Variants in ROS1 observed in about 807,000 individuals in gnomAD.
ROS1 encodes the protein proto-oncogene tyrosine-protein kinase ROS.
ROS1 carries 263 observed loss-of-function variants against 273.5 expected under a neutral mutation model. The observed-to-expected ratio is 0.96, with a 90% CI of 0.87 to 1.06. ROS1 has a LOEUF of 1.06. Ranked by LOEUF, ROS1 falls within the 50% of genes least tolerant of loss-of-function variation. The pLI is 0.00. For missense variants in ROS1, 2,833 were observed against 2,751.1 expected, an observed-to-expected ratio of 1.03 and a Z score of -0.67; for synonymous variants, 1,008 against 954.1, an observed-to-expected ratio of 1.06 and a Z score of -1.04.
chr6:117,396,233 C>A lies in ROS1; in HGVS notation c.838G>T (p.Glu280Ter). The change falls in exon 9 of 44, where the codon GAG becomes TAG. Residue 280 changes from glutamate to a stop codon, truncating the protein, a stop_gained. Coordinates refer to ENST00000368507, the MANE Select transcript of ROS1 (RefSeq NM_001378902.1). LOFTEE classifies it high-confidence loss of function. ...ATACTAGATTCTGCTTCTGGACCCT[C>A]ACCAACTTCATTTACTGCTGCAATA... Reference protein sequence around the residue: ...FSIAAVNEVGEGPEAESSITT... With the variant: ...FSIAAVNEVG 6.2e-7 allele frequency: 1 copy of A among 1,613,668 alleles called. No homozygotes were observed. Among genetic ancestry groups the A allele is most frequent in the Non-Finnish European group, 8.5e-7 (1 of 1,179,686 alleles).
chr6:117,320,905 C>A (rs183494372), intron 36 of ROS1, among the ~76,000 whole-genome samples: 1 of 149,716 alleles, frequency 6.7e-6, no homozygotes, highest in Non-Finnish European at 1.5e-5. Flanking sequence ...AGGCTGACCA[C>A]GTAACACAAG....
intron 18 of ROS1, among the ~76,000 whole-genome samples, chr6:117,373,343 G>A (rs1302023052): frequency 3.3e-5 from 5 of 152,232 alleles, no homozygotes; most frequent in Non-Finnish European, 5.9e-5. Flanking sequence ...AGCAGGGGGC[G>A]GCACCCATCA....
chr6:117,364,477 A>G (rs916189748), intron 21 of ROS1, among the ~76,000 whole-genome samples: 19 of 152,198 alleles, frequency 1.2e-4, no homozygotes, highest in African/African-American at 4.3e-4. Flanking sequence ...AATCAAGATA[A>G]TAAGACTTTC....
At chr6:117,290,507 T>C (rs1261659926) in intron 43 of ROS1, among the ~76,000 whole-genome samples, 1 of 152,228 alleles carries the variant, frequency 6.6e-6, no homozygotes, top group African/African-American at 2.4e-5. Context: ...AAAGATAGCA[T>C]GCACTGGGCA....
rs1257346590 is a variant in ROS1 at position 117,324,366 on chromosome 6, T to TC, written c.5588dup (p.Ile1864AsnfsTer15). 3 of 1,531,142 alleles carry TC rather than the reference T, an allele frequency of 2.0e-6. No homozygotes were observed. Among genetic ancestry groups the TC allele is most frequent in the Non-Finnish European group, 2.7e-6 (3 of 1,112,016 alleles). The allele number at this position is 1,531,142 out of a possible 1,614,324, so 94.8% of individuals were successfully genotyped here. ...GTGGGATTGTAACAACCAGAAATATTCCAACTATAATAGTAAGTATGAAAC... is the reference window on the plus strand; with the variant it reads ...GTGGGATTGTAACAACCAGAAATATTCCCAACTATAATAGTAAGTATGAAAC... On this transcript the variant is annotated frameshift_variant, in exon 35 of 44. Coordinates refer to ENST00000368507, the MANE Select transcript of ROS1 (RefSeq NM_001378902.1). LOFTEE classifies it high-confidence loss of function.
intron 18 of ROS1, among the ~76,000 whole-genome samples, chr6:117,376,472 G>A (rs1781338221): frequency 6.6e-6 from 1 of 152,032 alleles, no homozygotes; most frequent in Non-Finnish European, 1.5e-5. Context: ...GAAAATTGAG[G>A]AGAGAATGCT....
intron 39 of ROS1, among the ~76,000 whole-genome samples, chr6:117,314,866 C>T (rs1401314255): frequency 6.6e-6 from 1 of 152,118 alleles, no homozygotes; most frequent in Non-Finnish European, 1.5e-5. Context: ...AAGGAAGCTT[C>T]CTTGGACACA....
intron 36 of ROS1, 83 bp from the exon 37 acceptor site, chr6:117,320,113 TGAGA>T: frequency 8.2e-7 from 1 of 1,226,776 alleles, no homozygotes; most frequent in Non-Finnish European, 1.2e-6. Context: ...TATTTGTGTT[TGAGA>T]GAGAAAGAAA....
At chr6:117,402,210 T>C (rs934209901) in intron 7 of ROS1, among the ~76,000 whole-genome samples, 6 of 152,300 alleles carry the variant, frequency 3.9e-5, no homozygotes, top group Non-Finnish European at 8.8e-5. Context: ...TAGCTGTTAC[T>C]CCTCTGCCTC....
intron 2 of ROS1, 37 bp downstream of exon 2, chr6:117,418,425 C>T (rs1364709001): frequency 2.8e-6 from 4 of 1,452,816 alleles, no homozygotes; most frequent in Non-Finnish European, 3.8e-6. Context: ...TCAACACAAA[C>T]ATTGTAATAT....
chr6:117,407,043 T>C (rs1299445704), intron 5 of ROS1, among the ~76,000 whole-genome samples: 3 of 147,668 alleles, frequency 2.0e-5, no homozygotes, highest in Non-Finnish European at 4.5e-5. Context: ...ATATACATTT[T>C]ATCCACAGCT....
intron 1 of ROS1, among the ~76,000 whole-genome samples, chr6:117,421,687 T>C (rs1365590574): frequency 2.0e-5 from 3 of 152,218 alleles, no homozygotes; most frequent in Non-Finnish European, 4.4e-5. Flanking sequence ...ATACTTCTTT[T>C]TTGAAGTGGC....
chr6:117,418,289 C>T (rs1775485019), intron 2 of ROS1, among the ~76,000 whole-genome samples, 173 bp downstream of exon 2: 1 of 152,212 alleles, frequency 6.6e-6, no homozygotes, highest in African/African-American at 2.4e-5. Flanking sequence ...TCCACTTCAA[C>T]ACACTTCATT....
intron 4 of ROS1, among the ~76,000 whole-genome samples, chr6:117,410,893 T>C (rs1486313055): frequency 2.0e-5 from 3 of 152,226 alleles, no homozygotes; most frequent in Admixed American, 6.5e-5. Context: ...CAAGATTTAG[T>C]ATACGTTTCG....
chr6:117,411,235 CT>C (rs1774880886), intron 4 of ROS1, among the ~76,000 whole-genome samples: 3 of 151,376 alleles, frequency 2.0e-5, no homozygotes, highest in South Asian at 2.1e-4. Context: ...CTCTCTCTCT[CT>C]CTCTCTTTCT....
intron 39 of ROS1, 100 bp downstream of exon 39, chr6:117,317,043 A>G (rs1015289785): frequency 4.9e-6 from 6 of 1,226,104 alleles, no homozygotes; most frequent in African/African-American, 1.5e-5. Context: ...TAAGTCTTCT[A>G]AGGTTTTACC....
At chr6:117,325,098 TGAGCTGGGTAGCAAACTTCTGTACACA>T in intron 34 of ROS1, among the ~76,000 whole-genome samples, 1 of 152,308 alleles carries the variant, frequency 6.6e-6, no homozygotes, top group East Asian at 1.9e-4. Context: ...AAAAGTTTGC[TGAGCTGGGTAGCAAACTTCTGTACACA>T]ACTAACTAGA....
At chr6:117,425,361 G>A (rs1401933698) in intron 1 of ROS1, among the ~76,000 whole-genome samples, 173 bp downstream of exon 1, 4 of 152,134 alleles carry the variant, frequency 2.6e-5, no homozygotes, top group Non-Finnish European at 5.9e-5. Context: ...TTTATCTTCT[G>A]CAATTATAAG....
chr6:117,385,716 A>G lies in ROS1; in HGVS notation c.2256T>C (p.Gly752=). ...GAGALAFEWL[G]HFLYWAGKTY... is the part of the protein sequence containing the mutation. ...TCTTTCCAGCCCAGTAGAGAAAGTGACCCAGCCACTCAAAAGCTAAAGCCC... is the reference window on the plus strand; with the variant it reads ...TCTTTCCAGCCCAGTAGAGAAAGTGGCCCAGCCACTCAAAAGCTAAAGCCC... Residue 752 remains glycine (G), a synonymous_variant, in exon 16 of 44, where the codon GGT becomes GGC. Transcript: ENST00000368507. 1 of 1,613,802 alleles carries G rather than the reference A, an allele frequency of 6.2e-7. No individual in the cohort carries two copies. Among genetic ancestry groups the G allele is most frequent in the Non-Finnish European group, 8.5e-7 (1 of 1,179,982 alleles).
Sources: gnomAD v4.1 joint callset for allele counts (sites outside exome capture counted in the v4.1 genomes callset) on GRCh38, gnomAD v4.1.1 for gene constraint, MANE v1.5 for transcripts, NCBI Gene and HGNC (gene_info 2026-07-23, HGNC 2026-07-21) for gene names.